ATP9B: variants seen among roughly 807,000 people sequenced by gnomAD.
The protein encoded by ATP9B is ATPase phospholipid transporting 9B, also known as probable phospholipid-transporting ATPase IIB.
In ATP9B, 110 loss-of-function variants were observed where a neutral mutation model predicts 146.1. The observed-to-expected ratio is 0.75, with a 90% CI of 0.65 to 0.88. The LOEUF (loss-of-function observed/expected upper bound fraction) is 0.88. ATP9B is among the 40% of genes least tolerant of loss of function. The pLI is 0.00. For missense variants in ATP9B, 1,499 were observed against 1,496.4 expected (o/e 1.00, Z -0.03); for synonymous variants, 604 against 569.7 (o/e 1.06, Z -0.86).
At chr18:79,176,689 A>G (rs987887460) in intron 7 of ATP9B, 124 bp from the exon 8 acceptor site, 3 of 712,176 alleles carry the variant, frequency 4.2e-6, no homozygotes, top group African/African-American at 3.6e-5. Context: ...GTTCCTGGGA[A>G]TATCTAGATT....
intron 11 of ATP9B, among the ~76,000 whole-genome samples, chr18:79,247,502 C>T (rs902883027): frequency 1.3e-5 from 2 of 152,146 alleles, no homozygotes; most frequent in South Asian, 4.1e-4. Flanking sequence ...TCAAACTTAG[C>T]AGGTAATATG....
At chr18:79,145,120 G>T (rs1304431423) in intron 6 of ATP9B, 1 of 154,830 alleles carries the variant, frequency 6.5e-6, no homozygotes, top group Non-Finnish European at 1.4e-5. Flanking sequence ...CAAGCTGCAT[G>T]TCGGGGGAGC....
chr18:79,366,736 G>A (rs972069453), intron 26 of ATP9B, among the ~76,000 whole-genome samples: 1 of 152,234 alleles, frequency 6.6e-6, no homozygotes, highest in African/African-American at 2.4e-5. Context: ...TGCAGATTAT[G>A]CGGACGAGAC....
At chr18:79,271,389 G>A (rs12959800) in intron 12 of ATP9B, among the ~76,000 whole-genome samples, 2 of 20,394 alleles carry the variant, frequency 9.8e-5, no homozygotes, top group Non-Finnish European at 2.2e-4. Flanking sequence ...CCTCCCCCAG[G>A]CCCCCCACCC....
chr18:79,076,366 C>T (rs1302327245), intron 1 of ATP9B, among the ~76,000 whole-genome samples: 1 of 152,122 alleles, frequency 6.6e-6, no homozygotes, highest in Non-Finnish European at 1.5e-5. Context: ...CTTTGTTTTC[C>T]TTCATCTGAA....
At chr18:79,304,306 C>G (rs1364399244) in intron 14 of ATP9B, among the ~76,000 whole-genome samples, 2 of 152,080 alleles carry the variant, frequency 1.3e-5, no homozygotes, top group Admixed American at 6.6e-5. Context: ...CTCTGCCTTT[C>G]GTTGGGGCCA....
At chr18:79,272,408 G>A (rs956728528) in intron 12 of ATP9B, among the ~76,000 whole-genome samples, 2 of 152,160 alleles carry the variant, frequency 1.3e-5, no homozygotes, top group South Asian at 2.1e-4. Flanking sequence ...TCTGCACTCC[G>A]GAGCCTTCCC....
chr18:79,234,396 G>C (rs1444958681), intron 11 of ATP9B, among the ~76,000 whole-genome samples: 1 of 152,200 alleles, frequency 6.6e-6, no homozygotes, highest in Non-Finnish European at 1.5e-5. Context: ...GTGTGCTCCT[G>C]CACACACATT....
intron 7 of ATP9B, among the ~76,000 whole-genome samples, chr18:79,156,842 A>G (rs2094790672): frequency 6.6e-6 from 1 of 152,094 alleles, no homozygotes; most frequent in Non-Finnish European, 1.5e-5. Flanking sequence ...CTGCCTTCAT[A>G]GTTTGTCACA....
chr18:79,154,997 G>A (rs113634947), intron 7 of ATP9B, among the ~76,000 whole-genome samples: 2 of 152,138 alleles, frequency 1.3e-5, no homozygotes, highest in Admixed American at 6.5e-5. Flanking sequence ...TCCAATGAGT[G>A]TTTTCATTCA....
At position 79,069,420 on chromosome 18, in the gene ATP9B, C is replaced by A; in HGVS notation, c.10C>A (p.Gln4Lys). MAD[Q>K]IPLYPVRSAA... Reference sequence around the variant, plus strand: ...AAGGGGCGGTCGGAACATGGCGGACCAGATCCCGCTTTACCCGGTGCGTAG... The same window carrying A: ...AAGGGGCGGTCGGAACATGGCGGACAAGATCCCGCTTTACCCGGTGCGTAG... Residue 4 changes from glutamine (Q) to lysine (K), a missense_variant, in exon 1 of 30, where the codon CAG (glutamine) becomes AAG (lysine). Physicochemically the swap from Gln to Lys is moderately conservative, Grantham distance 53 (BLOSUM62 1). Transcript: ENST00000426216. 1 of 1,518,796 alleles carries A rather than the reference C, an allele frequency of 6.6e-7. No individual in the cohort carries two copies. 94.1% of individuals were successfully genotyped at this position (1,518,796 alleles called of 1,614,324 possible).
At chr18:79,358,855 G>C (rs1490541372) in intron 25 of ATP9B, among the ~76,000 whole-genome samples, 1 of 143,148 alleles carries the variant, frequency 7.0e-6, no homozygotes, top group Non-Finnish European at 1.5e-5. Context: ...GTCTGTGTGA[G>C]GGGTGCCCTG....
intron 1 of ATP9B, among the ~76,000 whole-genome samples, chr18:79,092,123 G>A (rs1286099263): frequency 1.3e-5 from 2 of 152,114 alleles, no homozygotes; most frequent in Non-Finnish European, 2.9e-5. Flanking sequence ...GGGGTGTGAT[G>A]TTCTGAGAAA....
Position 79,373,877 on chromosome 18 carries a change from A to G in ATP9B, c.3071-21A>G, listed in dbSNP as rs771430372. The G allele has an allele frequency of 2.1e-5, 34 of 1,612,150 alleles. No individual in the cohort carries two copies. In the South Asian group the frequency reaches 3.3e-4, roughly 16 times the overall value. On this transcript the variant is annotated intron_variant, in intron 27 of 29. Transcript: ENST00000426216. ...TTACACCCTGCTCGTGTGCATGGAA[A>G]AAGCTCCTGCTGTTTTTCAGGCGGC...
chr18:79,225,076 C>T (rs559204508), intron 11 of ATP9B, among the ~76,000 whole-genome samples: 36 of 152,208 alleles, frequency 2.4e-4, no homozygotes, highest in African/African-American at 7.0e-4. Context: ...AATGATTTTC[C>T]TTAAGGCATA....
chr18:79,340,517 G>A (rs1414137934), intron 19 of ATP9B: 1 of 152,206 alleles, frequency 6.6e-6, no homozygotes, highest in African/African-American at 2.4e-5. Context: ...CACAGGTGGA[G>A]CGTGCTTAAG....
intron 2 of ATP9B, among the ~76,000 whole-genome samples, chr18:79,107,898 A>G (rs953258734): frequency 6.6e-6 from 1 of 152,154 alleles, no homozygotes; most frequent in African/African-American, 2.4e-5. Flanking sequence ...GTTTAGTCTT[A>G]GAGAAGTCAC....
chr18:79,295,264 C>T (rs2096539785), intron 13 of ATP9B, among the ~76,000 whole-genome samples: 2 of 152,134 alleles, frequency 1.3e-5, no homozygotes, highest in Admixed American at 1.3e-4. Context: ...AAATCAACTG[C>T]CCTACTAAAG....
chr18:79,376,369 G>A, intron 29 of ATP9B: 8 of 984,310 alleles, frequency 8.1e-6, no homozygotes, highest in Non-Finnish European at 9.6e-6. Flanking sequence ...GGTGTTTGGT[G>A]ACATTAGTCA....
Sources: gnomAD v4.1 joint callset for allele counts (sites outside exome capture counted in the v4.1 genomes callset) on GRCh38, gnomAD v4.1.1 for gene constraint, MANE v1.5 for transcripts, NCBI Gene and HGNC (gene_info 2026-07-23, HGNC 2026-07-21) for gene names.